Variants in RORA observed in about 807,000 individuals in gnomAD.
The protein encoded by RORA is RAR related orphan receptor A, also known as nuclear receptor ROR-alpha.
In RORA, 7 loss-of-function variants were observed where a neutral mutation model predicts 69.5. The observed-to-expected ratio is 0.10, with a 90% CI of 0.06 to 0.19. The LOEUF (loss-of-function observed/expected upper bound fraction) is 0.19. Ranked by LOEUF, RORA falls within the 10% of genes least tolerant of loss-of-function variation. The pLI, the probability that RORA is intolerant of heterozygous loss-of-function variation, is 1.00. For synonymous variants in RORA, 261 were observed against 240.8 expected (o/e 1.08, Z -0.78); for missense variants, 457 against 663.0 (o/e 0.69, Z 3.41).
chr15:60,654,094 C>G (rs921401259), intron 2 of RORA, among the ~76,000 whole-genome samples: 3 of 152,106 alleles, frequency 2.0e-5, no homozygotes, highest in Non-Finnish European at 4.4e-5. Flanking sequence ...TCATTTTAGT[C>G]AAAGGAGCTG....
intron 1 of RORA, among the ~76,000 whole-genome samples, chr15:60,962,745 C>T (rs1039099766): frequency 6.6e-6 from 1 of 152,178 alleles, no homozygotes; most frequent in Non-Finnish European, 1.5e-5. Context: ...GGTTGTAACA[C>T]TCTGTTGAGA....
At chr15:60,728,942 G>A (rs1179628034) in intron 1 of RORA, among the ~76,000 whole-genome samples, 1 of 152,176 alleles carries the variant, frequency 6.6e-6, no homozygotes, top group African/African-American at 2.4e-5. Flanking sequence ...GCATCTGGTA[G>A]AGGTCTCCCC....
chr15:60,704,829 C>T (rs902231127), intron 1 of RORA, among the ~76,000 whole-genome samples: 2 of 152,154 alleles, frequency 1.3e-5, no homozygotes, highest in Non-Finnish European at 2.9e-5. Flanking sequence ...GCTTGAAGTG[C>T]TCCACGTTTG....
chr15:61,019,036 T>C (rs1895408737), intron 1 of RORA, among the ~76,000 whole-genome samples: 1 of 152,204 alleles, frequency 6.6e-6, no homozygotes, highest in South Asian at 2.1e-4. Flanking sequence ...ATACACCCTC[T>C]GAAAAGAAGG....
chr15:60,712,477 T>C (rs1253658689), intron 1 of RORA, among the ~76,000 whole-genome samples: 5 of 152,204 alleles, frequency 3.3e-5, no homozygotes, highest in Admixed American at 2.6e-4. Flanking sequence ...CATGTGTCAG[T>C]TGCCATTTAT....
chr15:60,504,395 A>G (rs962848272), intron 6 of RORA, among the ~76,000 whole-genome samples: 1 of 152,016 alleles, frequency 6.6e-6, no homozygotes, highest in African/African-American at 2.4e-5. Flanking sequence ...AAAAATACAA[A>G]AATTAGCCAG....
intron 1 of RORA, among the ~76,000 whole-genome samples, chr15:60,714,798 C>T (rs1407405946): frequency 6.6e-6 from 1 of 152,148 alleles, no homozygotes; most frequent in African/African-American, 2.4e-5. Flanking sequence ...CATCTAAGAA[C>T]ATTGCTGCAC....
chr15:60,677,009 A>G, intron 2 of RORA: 1 of 341,878 alleles, frequency 2.9e-6, no homozygotes, highest in Non-Finnish European at 6.0e-6. Flanking sequence ...CCAAGTCATA[A>G]TGCAAACAGT....
chr15:60,646,236 G>A (rs549562705), intron 2 of RORA, among the ~76,000 whole-genome samples: 1 of 152,178 alleles, frequency 6.6e-6, no homozygotes, highest in Non-Finnish European at 1.5e-5. Flanking sequence ...CTCTACCATA[G>A]CTGCCCAAAT....
chr15:60,684,401 G>C (rs774539485), intron 1 of RORA, among the ~76,000 whole-genome samples: 2 of 152,122 alleles, frequency 1.3e-5, no homozygotes, highest in Non-Finnish European at 2.9e-5. Flanking sequence ...GGATCATGAC[G>C]TCAGGCATTT....
At chr15:60,760,860 A>C (rs2071875414) in intron 1 of RORA, among the ~76,000 whole-genome samples, 1 of 152,176 alleles carries the variant, frequency 6.6e-6, no homozygotes, top group Admixed American at 6.5e-5. Flanking sequence ...AGACACACAC[A>C]CACACACACA....
intron 1 of RORA, among the ~76,000 whole-genome samples, chr15:60,758,331 G>A (rs559674898): frequency 6.6e-6 from 1 of 152,196 alleles, no homozygotes; most frequent in South Asian, 2.1e-4. Context: ...TTCTTTCAGA[G>A]TTGTGGTGGC....
intron 2 of RORA, among the ~76,000 whole-genome samples, chr15:60,540,574 C>CCCCCCCCCCCCCCCCCCCCCG (rs1555428642): frequency 9.7e-6 from 1 of 102,646 alleles, no homozygotes; most frequent in Non-Finnish European, 1.9e-5. Context: ...ACCCCCCCCC[C>CCCCCCCCCCCCCCCCCCCCCG]CCAAAACTGT....
At chr15:60,876,311 T>TGG (rs56278031) in intron 1 of RORA, among the ~76,000 whole-genome samples, 1 of 102,448 alleles carries the variant, frequency 9.8e-6, no homozygotes, top group Non-Finnish European at 2.1e-5. Flanking sequence ...TTACAGGAAG[T>TGG]GGGGGGGGGG....
intron 1 of RORA, among the ~76,000 whole-genome samples, chr15:60,882,020 G>A (rs1168530699): frequency 3.9e-5 from 6 of 152,154 alleles, no homozygotes; most frequent in African/African-American, 7.2e-5. Context: ...TTGTCTTCCC[G>A]CGCACGTGTT....
intron 1 of RORA, among the ~76,000 whole-genome samples, chr15:60,893,181 A>G (rs1192354269): frequency 4.6e-5 from 7 of 152,222 alleles, no homozygotes; most frequent in Admixed American, 4.6e-4. Context: ...CTTTAACCAA[A>G]GACGTGAGAA....
At chr15:60,908,667 T>G (rs1891614888) in intron 1 of RORA, among the ~76,000 whole-genome samples, 1 of 152,100 alleles carries the variant, frequency 6.6e-6, no homozygotes, top group Non-Finnish European at 1.5e-5. Context: ...CAATATCCAT[T>G]TCTACAGTGG....
intron 2 of RORA, among the ~76,000 whole-genome samples, chr15:60,571,294 T>C (rs2067874067): frequency 6.6e-6 from 1 of 152,024 alleles, no homozygotes; most frequent in Non-Finnish European, 1.5e-5. Context: ...TTCATCGTAA[T>C]GGTATATTTG....
intron 1 of RORA, among the ~76,000 whole-genome samples, chr15:60,934,156 A>G (rs760728169): frequency 4.6e-5 from 7 of 152,206 alleles, no homozygotes; most frequent in Non-Finnish European, 8.8e-5. Flanking sequence ...ATCTACATTA[A>G]CAAGTCTCCT....
Sources: gnomAD v4.1 joint callset for allele counts (sites outside exome capture counted in the v4.1 genomes callset) on GRCh38, gnomAD v4.1.1 for gene constraint, MANE v1.5 for transcripts, NCBI Gene and HGNC (gene_info 2026-07-23, HGNC 2026-07-21) for gene names.